SLC19A1: variants seen among roughly 807,000 people sequenced by gnomAD.
SLC19A1 encodes the protein solute carrier family 19 member 1.
Under a neutral mutation model 35.3 loss-of-function variants are expected in SLC19A1, and 37 were observed. The ratio of observed to expected loss-of-function variants is 1.05; its 90% CI spans 0.81 to 1.38. The LOEUF is 1.38. SLC19A1 is among the 40% of genes most tolerant of loss of function. SLC19A1 has a pLI of 0.00. For missense variants in SLC19A1, 831 were observed against 826.9 expected, an observed-to-expected ratio of 1.00 and a Z score of -0.06; for synonymous variants, 460 against 398.5, an observed-to-expected ratio of 1.15 and a Z score of -1.84.
Position 45,516,748 on chromosome 21 carries a change from C to T in SLC19A1, c.1294-608G>A, listed in dbSNP as rs571412421. On this transcript the variant is annotated intron_variant, in intron 5 of 5. Transcript: ENST00000311124. Reference sequence around the variant, plus strand: ...TGTCCCTGGGACACCAGGGAGGGACCTGATCATTCCCGGAGGTGCAGAGGG... The same window carrying T: ...TGTCCCTGGGACACCAGGGAGGGACTTGATCATTCCCGGAGGTGCAGAGGG... 9.2e-5 allele frequency among the ~76,000 whole-genome samples: 14 copies of T among 152,280 alleles called. No individual in the cohort carries two copies. The East Asian group carries it at 2.3e-3, about 25-fold the overall frequency.
At chr21:45,525,311 G>C (rs928652858) in intron 5 of SLC19A1, among the ~76,000 whole-genome samples, 1 of 152,256 alleles carries the variant, frequency 6.6e-6, no homozygotes, top group African/African-American at 2.4e-5. Flanking sequence ...CTCACTCGGA[G>C]ACCCGGCCTT....
chr21:45,512,238 C>T (rs1568957123), downstream of SLC19A1: 1 of 1,612,566 alleles, frequency 6.2e-7, no homozygotes, highest in South Asian at 1.1e-5. Flanking sequence ...CGCAGGCTGA[C>T]CGAGAGCTAC....
Position 45,530,776 on chromosome 21 carries a change from A to G in SLC19A1, c.1145T>C (p.Ile382Thr). Residue 382 changes from isoleucine to threonine, a missense_variant, in exon 4 of 6, where the codon ATC (isoleucine) becomes ACC (threonine). By Grantham distance (89) the Ile-to-Thr change is moderately conservative (BLOSUM62 -1). Transcript: ENST00000311124. This position sits in a 1 kb window ranked among gnomAD's most constrained non-coding sequence, Gnocchi z 5.3. ...CCACCCTTCTGGAACTCACGTGGCG[A>G]TGGGCACGAGGAACTGGTAGGAGCC... The part of the protein sequence containing the change: ...FRGSYQFLVP[I>T]ATFQIASSLS... The G allele has an allele frequency of 6.4e-7, 1 of 1,559,490 alleles. No individual in the cohort carries two copies. Among genetic ancestry groups the G allele is most frequent in the South Asian group, 1.2e-5 (1 of 85,052 alleles).
chr21:45,521,264 G>A (rs2077431397), intron 5 of SLC19A1, among the ~76,000 whole-genome samples: 1 of 152,162 alleles, frequency 6.6e-6, no homozygotes, highest in South Asian at 2.1e-4. Context: ...GACTAATGCA[G>A]ATAACAAATT....
downstream of SLC19A1, chr21:45,511,364 A>G (rs1387282480): frequency 4.4e-6 from 3 of 682,756 alleles, no homozygotes; most frequent in African/African-American, 3.6e-5. Context: ...TACAAAATCC[A>G]AAAGAGCATT....
chr21:45,552,937 G>T (rs930012264), intron 1 of SLC19A1, among the ~76,000 whole-genome samples: 2 of 152,256 alleles, frequency 1.3e-5, no homozygotes, highest in Non-Finnish European at 1.5e-5. Context: ...GGGCACCCAG[G>T]GCAGTGCCAG....
upstream of SLC19A1, among the ~76,000 whole-genome samples, chr21:45,548,470 G>A (rs112029794): frequency 0.024 from 3,621 of 152,288 alleles, 167 homozygotes; most frequent in African/African-American, 0.082. Flanking sequence ...GAGGCCGGGC[G>A]CAGTGGCTCA....
intron 3 of SLC19A1, among the ~76,000 whole-genome samples, chr21:45,503,604 G>A (rs530187006): frequency 1.4e-4 from 20 of 142,352 alleles, no homozygotes; most frequent in Middle Eastern, 7.4e-3. Context: ...CATGGACACA[G>A]GAAGGGGAAC....
At chr21:45,526,677 T>G (rs1186458601) in intron 4 of SLC19A1, among the ~76,000 whole-genome samples, 6 of 152,238 alleles carry the variant, frequency 3.9e-5, no homozygotes, top group Non-Finnish European at 5.9e-5. Flanking sequence ...GTTCAAGCAA[T>G]TCTCCTGTCT....
rs1855898758 is a variant in SLC19A1 at position 45,530,705 on chromosome 21, A to C, written c.1151+65T>G. ...GCGCAGCAGGAAGGTGGGAGCACCC[A>C]GCGAAGCGCGGGGCTTGATCCTGGC... On this transcript the variant is annotated intron_variant, in intron 4 of 5. Coordinates refer to ENST00000311124, the MANE Select transcript of SLC19A1 (RefSeq NM_194255.4). The surrounding 1 kb of genome is among the most constrained non-coding windows in gnomAD (Gnocchi z 5.3). 6.8e-7 allele frequency: 1 copy of C among 1,481,050 alleles called. No homozygotes were observed. Among genetic ancestry groups the C allele is most frequent in the South Asian group, 1.2e-5 (1 of 81,526 alleles). 91.7% of individuals were successfully genotyped at this position (1,481,050 alleles called of 1,614,324 possible).
chr21:45,512,273 C>T, downstream of SLC19A1: 2 of 1,611,886 alleles, frequency 1.2e-6, no homozygotes, highest in Non-Finnish European at 1.7e-6. Flanking sequence ...GACGGAGGCT[C>T]CCTCGGCCAC....
At chr21:45,535,058 A>G (rs963760769) in intron 2 of SLC19A1, among the ~76,000 whole-genome samples, 1 of 152,244 alleles carries the variant, frequency 6.6e-6, no homozygotes, top group African/African-American at 2.4e-5. Context: ...GGGCAGGGCC[A>G]GGCGTGGGGC....
At chr21:45,546,257 G>A (rs2078414497), upstream of SLC19A1, among the ~76,000 whole-genome samples, 1 of 152,256 alleles carries the variant, frequency 6.6e-6, no homozygotes, top group South Asian at 2.1e-4. Flanking sequence ...AAAGCCCAGA[G>A]GAAGAAGCGT....
intron 4 of SLC19A1, among the ~76,000 whole-genome samples, chr21:45,526,731 C>A (rs934142977): frequency 6.6e-6 from 1 of 152,200 alleles, no homozygotes; most frequent in South Asian, 2.1e-4. Context: ...GCCATCATGC[C>A]CAGCTAATTT....
chr21:45,544,544 G>T (rs2078393287), upstream of SLC19A1: 1 of 153,546 alleles, frequency 6.5e-6, no homozygotes, highest in Non-Finnish European at 1.5e-5. Flanking sequence ...GCCTCCAGCG[G>T]TCCCCGTCCT....
At chr21:45,504,547 T>TG in intron 3 of SLC19A1, 1 of 1,575,012 alleles carries the variant, frequency 6.3e-7, no homozygotes, top group African/African-American at 1.4e-5. Context: ...GTGGCTACCC[T>TG]GGGATTCCAG....
upstream of SLC19A1, among the ~76,000 whole-genome samples, chr21:45,548,115 C>T (rs2146483028): frequency 6.6e-6 from 1 of 152,286 alleles, no homozygotes; most frequent in Admixed American, 6.5e-5. Flanking sequence ...AATAGGACCA[C>T]CCACATGGAC....
At position 45,515,185 on chromosome 21, in the gene SLC19A1, C is replaced by A; in HGVS notation, c.*473G>T. 1 of 1,519,220 alleles carries A rather than the reference C, an allele frequency of 6.6e-7. No homozygotes were observed. Among genetic ancestry groups the A allele is most frequent in the Non-Finnish European group, 8.8e-7 (1 of 1,139,302 alleles). The allele number at this position is 1,519,220 out of a possible 1,614,324, so 94.1% of individuals were successfully genotyped here. A position where few individuals can be genotyped will look rare whatever the true frequency, so the allele number is the denominator to read the frequency against. On this transcript the variant is annotated 3_prime_UTR_variant, in exon 6 of 6. Coordinates refer to ENST00000311124, the MANE Select transcript of SLC19A1 (RefSeq NM_194255.4). ...AGTTAAAAAAAAAAAAAGCATCTTT[C>A]AAAAAAGCAAGAGCACCAAGGATGA...
chr21:45,539,587 C>T (rs372275140), intron 1 of SLC19A1, among the ~76,000 whole-genome samples: 8 of 152,224 alleles, frequency 5.3e-5, no homozygotes, highest in African/African-American at 1.9e-4. Flanking sequence ...TCAGTCTTCA[C>T]GTATCAGAGA....
Sources: gnomAD v4.1 joint callset for allele counts (sites outside exome capture counted in the v4.1 genomes callset) on GRCh38, gnomAD v4.1.1 for gene constraint, Gnocchi (gnomAD v3.1) non-coding constraint, MANE v1.5 for transcripts, NCBI Gene and HGNC (gene_info 2026-07-23, HGNC 2026-07-21) for gene names.